The following CBY1 variants were observed in gnomAD, a reference collection of about 807,000 sequenced individuals.
CBY1 encodes protein chibby homolog 1.
CBY1 carries 10 observed loss-of-function variants against 15.6 expected under a neutral mutation model. The ratio of observed to expected loss-of-function variants is 0.64; its 90% CI spans 0.40 to 1.09. The LOEUF is 1.09. Among genes scored for constraint, CBY1 ranks in the 50% least tolerant of loss-of-function variants. CBY1 has a pLI of 0.01. For missense variants in CBY1, 150 were observed against 160.5 expected, an observed-to-expected ratio of 0.93 and a Z score of 0.35; for synonymous variants, 61 against 63.5, an observed-to-expected ratio of 0.96 and a Z score of 0.19.
intron 2 of CBY1, among the ~76,000 whole-genome samples, chr22:38,669,368 T>G (rs2145786295): frequency 6.6e-6 from 1 of 152,286 alleles, no homozygotes; most frequent in South Asian, 2.1e-4. Flanking sequence ...GAATGTTTAA[T>G]TCTAGAATCT....
At chr22:38,658,414 G>A (rs960904859) in intron 1 of CBY1, among the ~76,000 whole-genome samples, 9 of 147,314 alleles carry the variant, frequency 6.1e-5, no homozygotes, top group African/African-American at 1.5e-4. Context: ...ATAAGCCACC[G>A]TACCTGGCCT....
At position 38,670,946 on chromosome 22, in the gene CBY1, G is replaced by C; in HGVS notation, c.141G>C (p.Leu47=). 1 of 1,614,244 alleles carries C rather than the reference G, an allele frequency of 6.2e-7. No homozygotes were observed. The highest frequency in any genetic ancestry group is 8.5e-7 in the Non-Finnish European group (1 of 1,180,050). Residue 47 remains leucine, a synonymous_variant, in exon 3 of 5, where the codon CTG becomes CTC. Transcript: ENST00000216029. Reference sequence around the variant, plus strand: ...AATACGGATCCCCGACTATGAACCTGGCAGGGCAAAGCCTGAAGTTTGAAA... The same window carrying C: ...AATACGGATCCCCGACTATGAACCTCGCAGGGCAAAGCCTGAAGTTTGAAA... The part of the protein sequence containing the change: ...GLEYGSPTMN[L]AGQSLKFENG...
chr22:38,670,770 C>T, intron 2 of CBY1, 114 bp from the exon 3 acceptor site: 1 of 708,252 alleles, frequency 1.4e-6, no homozygotes, highest in Non-Finnish European at 2.5e-6. Context: ...ATTAAAGGTG[C>T]CAAGTAATGA....
chr22:38,661,236 T>C (rs1475293670), intron 1 of CBY1, among the ~76,000 whole-genome samples: 1 of 152,116 alleles, frequency 6.6e-6, no homozygotes, highest in African/African-American at 2.4e-5. Flanking sequence ...CGCAGTGGTG[T>C]GTTCTCGGCT....
intron 4 of CBY1, chr22:38,671,768 C>T (rs1248718567): frequency 6.6e-6 from 1 of 152,474 alleles, no homozygotes; most frequent in Non-Finnish European, 1.5e-5. Context: ...GCAAAATGGC[C>T]TGGGTTCCTC....
At chr22:38,668,347 G>C (rs1277941539) in intron 2 of CBY1, 17 of 479,636 alleles carry the variant, frequency 3.5e-5, no homozygotes, top group Non-Finnish European at 5.9e-5. Flanking sequence ...ATCTCATTAT[G>C]ATATTTGACC....
In CBY1 at chr22:38,667,825, A is replaced by G. The variant is rs372674116; in HGVS notation, c.-38-192A>G. ...ATCCATTCATGAGAGCAGAGCTCAC[A>G]TGGCCCAGTCACCCCTTATACTGTT... On this transcript the variant is annotated intron_variant, in intron 1 of 4. Coordinates refer to ENST00000216029, the MANE Select transcript of CBY1 (RefSeq NM_015373.4). 2.7e-4 allele frequency: 148 copies of G among 549,500 alleles called. No homozygotes were observed. In the East Asian group the frequency reaches 4.2e-3, roughly 16 times the overall value. The allele number at this position is 549,500 out of a possible 1,614,324, so 34.0% of individuals were successfully genotyped here. A position where few individuals can be genotyped will look rare whatever the true frequency, so the allele number is the denominator to read the frequency against.
chr22:38,669,264 G>C (rs1459020516), intron 2 of CBY1, among the ~76,000 whole-genome samples: 1 of 152,114 alleles, frequency 6.6e-6, no homozygotes, highest in East Asian at 1.9e-4. Context: ...CCTCACTCCA[G>C]CTCTCCTTCC....
At chr22:38,669,362 G>A (rs1027591844) in intron 2 of CBY1, among the ~76,000 whole-genome samples, 2 of 152,152 alleles carry the variant, frequency 1.3e-5, no homozygotes, top group African/African-American at 4.8e-5. Context: ...TGCCTAGAAT[G>A]TTTAATTCTA....
chr22:38,665,069 C>T (rs554962267), intron 1 of CBY1, among the ~76,000 whole-genome samples: 1 of 152,256 alleles, frequency 6.6e-6, no homozygotes, highest in East Asian at 1.9e-4. Context: ...GTCTTGAACT[C>T]CTGGCATCAA....
At chr22:38,664,938 G>A (rs969538878) in intron 1 of CBY1, among the ~76,000 whole-genome samples, 5 of 152,004 alleles carry the variant, frequency 3.3e-5, no homozygotes, top group Non-Finnish European at 7.4e-5. Context: ...CAAACTCCTG[G>A]GCTGAAGCAA....
chr22:38,669,065 T>C (rs981947312), intron 2 of CBY1, among the ~76,000 whole-genome samples: 6 of 152,228 alleles, frequency 3.9e-5, no homozygotes, highest in Admixed American at 1.3e-4. Context: ...ACATGACGTC[T>C]GTCTCTGACC....
chr22:38,659,841 G>T (rs200512480), intron 1 of CBY1, among the ~76,000 whole-genome samples: 2 of 130,280 alleles, frequency 1.5e-5, no homozygotes, highest in Non-Finnish European at 3.1e-5. Context: ...CAGCCCGGGC[G>T]ACAGAGTGAG....
chr22:38,666,877 T>C (rs905620883), intron 1 of CBY1: 2 of 152,002 alleles, frequency 1.3e-5, no homozygotes, highest in African/African-American at 4.8e-5. Context: ...TAATTTTTTG[T>C]ATTTTTAGTA....
In CBY1 at chr22:38,671,112, G is replaced by C. The variant is rs1418228630; in HGVS notation, c.227G>C (p.Arg76Pro). ...SGGVDRREVQRLRRRNQQLEE... is the reference protein window; with the variant it reads ...SGGVDRREVQPLRRRNQQLEE... ...GGTGTGGACCGGAGGGAGGTTCAGC[G>C]CCTTCGCAGGCGGAACCAGCAGTTG... The change falls in exon 4 of 5, where the codon CGC (arginine) becomes CCC (proline). Residue 76 changes from arginine to proline, a missense_variant. Arg to Pro is a moderately radical substitution (Grantham distance 103, BLOSUM62 -2). Coordinates refer to ENST00000216029, the MANE Select transcript of CBY1 (RefSeq NM_015373.4). 6.2e-7 allele frequency: 1 copy of C among 1,614,114 alleles called. No homozygotes were observed. The highest frequency in any genetic ancestry group is 1.3e-5 in the African/African-American group (1 of 74,940).
intron 1 of CBY1, among the ~76,000 whole-genome samples, chr22:38,657,929 A>T (rs1322405206): frequency 6.6e-6 from 1 of 152,178 alleles, no homozygotes; most frequent in East Asian, 1.9e-4. Flanking sequence ...ACATGAATAT[A>T]TTCTCATTGT....
At chr22:38,663,824 C>G (rs1217483656) in intron 1 of CBY1, among the ~76,000 whole-genome samples, 1 of 151,398 alleles carries the variant, frequency 6.6e-6, no homozygotes, top group Non-Finnish European at 1.5e-5. Flanking sequence ...GAGTTCGAGA[C>G]CAGCCTGGCC....
At chr22:38,659,767 C>T (rs1352580314) in intron 1 of CBY1, among the ~76,000 whole-genome samples, 4 of 146,386 alleles carry the variant, frequency 2.7e-5, no homozygotes, top group African/African-American at 1.0e-4. Context: ...GAGGCTGAGG[C>T]GGGAGAATGG....
rs186980502 is a variant in CBY1 at position 38,670,242 on chromosome 22, A to C, written c.79-642A>C. On this transcript the variant is annotated intron_variant, in intron 2 of 4. Transcript: ENST00000216029. ...GAGACTCCGTCTCAAAAAAAACCCC[A>C]AAAATTAGCCGGGTATGGTGGTGCA... is the stretch of plus-strand genomic sequence containing the variant. 235 of 152,260 alleles carry C rather than the reference A, an allele frequency of 1.5e-3. 1 individual carries two copies. Among genetic ancestry groups the C allele is most frequent in the Admixed American group, 5.0e-3 (77 of 15,282 alleles). The allele number at this position is 152,260 out of a possible 1,614,324, so 9.4% of individuals were successfully genotyped here. A position where few individuals can be genotyped will look rare whatever the true frequency, so the allele number is the denominator to read the frequency against.
Sources: allele counts gnomAD v4.1 joint callset (sites outside exome capture counted in the v4.1 genomes callset), GRCh38; gene constraint gnomAD v4.1.1; transcripts MANE v1.5; gene names NCBI Gene and HGNC (gene_info 2026-07-23, HGNC 2026-07-21).